NPAS3: variants seen among roughly 807,000 people sequenced by gnomAD.
The protein encoded by NPAS3 is neuronal PAS domain-containing protein 3.
A neutral mutation model predicts 73.1 loss-of-function variants in NPAS3; 14 were observed. That is an observed-to-expected ratio of 0.19 (90% CI 0.13 to 0.30). The LOEUF (loss-of-function observed/expected upper bound fraction) is 0.30. Among genes scored for constraint, NPAS3 ranks in the 10% least tolerant of loss-of-function variants. The pLI is 1.00. For missense variants in NPAS3, 1,096 were observed against 1,250.0 expected (o/e 0.88, Z 1.86); for synonymous variants, 620 against 541.5 (o/e 1.14, Z -2.01).
In NPAS3 at chr14:33,230,393, C is replaced by T. The variant is rs76501814; in HGVS notation, c.385+14967C>T. ...ACAGACTCTGCTAGCTTTGAACCCA[C>T]GGATGGAGTTAAGAAAATAAGATGA... is the stretch of plus-strand genomic sequence containing the variant. On this transcript the variant is annotated intron_variant, in intron 3 of 11. Transcript: ENST00000356141. 7.7e-3 allele frequency among the ~76,000 whole-genome samples: 1,175 copies of T among 152,210 alleles called. 11 individuals carry two copies. The highest frequency in any genetic ancestry group is 0.026 in the African/African-American group (1,083 of 41,512).
chr14:33,187,372 A>G (rs554538247), intron 2 of NPAS3, among the ~76,000 whole-genome samples: 1 of 152,276 alleles, frequency 6.6e-6, no homozygotes, highest in South Asian at 2.1e-4. Context: ...ACCTTTATGT[A>G]GGTAATTTCT....
chr14:33,800,076 G>T lies in NPAS3; in HGVS notation c.1769G>T (p.Gly590Val). The T allele has an allele frequency of 1.3e-6, 2 of 1,598,182 alleles. No individual in the cohort carries two copies. The highest frequency in any genetic ancestry group is 1.7e-6 in the Non-Finnish European group (2 of 1,175,796). ...GACTCGGACAGCGCAGGCGAGGCGG[G>T]CGCGCAGGCCTCCAGCAAGCACCAG... The change falls in exon 12 of 12, where the codon GGC (glycine) becomes GTC (valine). Residue 590 changes from glycine to valine, a missense_variant. Transcript: ENST00000356141. This position sits in a 1 kb window ranked among gnomAD's most constrained non-coding sequence, Gnocchi z 6.5.
rs2059706181 is a variant in NPAS3, at chr14:33,674,642, G to T, written c.559-1569G>T. ...TAGCAATAACAAATGGAGGAAATGG[G>T]GATTGTAAAATGATATAGTCAGTGG... is the stretch of plus-strand genomic sequence containing the variant. On this transcript the variant is annotated intron_variant, in intron 5 of 11. Transcript: ENST00000356141. Among the ~76,000 whole-genome samples, 3 of 152,180 alleles carry T rather than the reference G, an allele frequency of 2.0e-5. No homozygotes were observed. The South Asian group carries it at 6.2e-4, about 32-fold the overall frequency.
At chr14:33,127,339 G>A (rs2043463463) in intron 2 of NPAS3, among the ~76,000 whole-genome samples, 1 of 152,090 alleles carries the variant, frequency 6.6e-6, no homozygotes, top group Non-Finnish European at 1.5e-5. Flanking sequence ...TTATGAGTTT[G>A]TGTAGAATTT....
At chr14:33,738,884 C>T (rs941608158) in intron 7 of NPAS3, among the ~76,000 whole-genome samples, 7 of 152,050 alleles carry the variant, frequency 4.6e-5, no homozygotes, top group Middle Eastern at 3.2e-3. Flanking sequence ...CTAGGTATAG[C>T]GCATGGGGTA....
intron 1 of NPAS3, among the ~76,000 whole-genome samples, chr14:32,975,750 TAAAAC>T (rs141953929): frequency 6.6e-6 from 1 of 151,930 alleles, no homozygotes; most frequent in African/African-American, 2.4e-5. Context: ...TGGTAGTTAA[TAAAAC>T]AAAACAAAAC....
intron 3 of NPAS3, among the ~76,000 whole-genome samples, chr14:33,258,286 A>G (rs970401086): frequency 2.6e-5 from 4 of 152,150 alleles, no homozygotes; most frequent in African/African-American, 9.7e-5. Context: ...AGTCCCAGCT[A>G]CTTGGGAGGC....
intron 5 of NPAS3, among the ~76,000 whole-genome samples, chr14:33,636,749 A>C (rs2058529306): frequency 6.6e-6 from 1 of 152,190 alleles, no homozygotes; most frequent in Non-Finnish European, 1.5e-5. Context: ...CCAGAAACCC[A>C]CTGCCTGGCA....
rs1335666943 is a variant in NPAS3 at position 33,677,497 on chromosome 14, TTATTAACAAGAAAA to T, written c.733+1113_733+1126del. On this transcript the variant is annotated intron_variant, in intron 6 of 11. Transcript: ENST00000356141. ...AATAGATTCGTAATACAAAAGCATT[TTATTAACAAGAAAA>T]ATAGAAAAACCTATGTTAAGATTAA... Among the ~76,000 whole-genome samples the T allele has an allele frequency of 1.4e-4, 22 of 152,320 alleles. 1 individual carries two copies. Among genetic ancestry groups the T allele is most frequent in the South Asian group, 4.1e-4 (2 of 4,830 alleles).
chr14:33,147,377 T>C (rs2044271192), intron 2 of NPAS3, among the ~76,000 whole-genome samples: 2 of 152,218 alleles, frequency 1.3e-5, no homozygotes, highest in Non-Finnish European at 2.9e-5. Flanking sequence ...TATTTCTTAG[T>C]TCTGTTGCTG....
At chr14:32,979,615 T>A (rs1418495944) in intron 1 of NPAS3, among the ~76,000 whole-genome samples, 1 of 152,186 alleles carries the variant, frequency 6.6e-6, no homozygotes, top group Admixed American at 6.5e-5. Flanking sequence ...GATTGTAGCA[T>A]CTCTTTCTTT....
At chr14:33,096,898 T>G (rs560570710) in intron 2 of NPAS3, among the ~76,000 whole-genome samples, 1 of 152,336 alleles carries the variant, frequency 6.6e-6, no homozygotes, top group East Asian at 1.9e-4. Context: ...GTCACTTTAG[T>G]CATCTGAAAC....
intron 9 of NPAS3, 81 bp from the exon 10 acceptor site, chr14:33,793,816 G>A: frequency 7.2e-7 from 1 of 1,390,396 alleles, no homozygotes; most frequent in Non-Finnish European, 9.6e-7. Flanking sequence ...TAGGCTTAAG[G>A]TTTTGCAGAG....
At chr14:33,594,330 C>T (rs1431621272) in intron 5 of NPAS3, among the ~76,000 whole-genome samples, 2 of 152,036 alleles carry the variant, frequency 1.3e-5, no homozygotes, top group Admixed American at 6.6e-5. Context: ...CAAATATTTT[C>T]GATCTGTAGT....
chr14:33,557,765 C>A (rs1353953871), intron 4 of NPAS3, among the ~76,000 whole-genome samples: 2 of 152,176 alleles, frequency 1.3e-5, no homozygotes, highest in East Asian at 1.9e-4. Context: ...GTCAGGAGAT[C>A]AAGGCCATCC....
intron 4 of NPAS3, among the ~76,000 whole-genome samples, chr14:33,459,235 C>T (rs1349008606): frequency 6.6e-6 from 1 of 152,148 alleles, no homozygotes; most frequent in Non-Finnish European, 1.5e-5. Context: ...CCTCCCATCT[C>T]ATCCTGTGAC....
chr14:33,447,256 A>G (rs950865784), intron 4 of NPAS3, among the ~76,000 whole-genome samples: 2 of 152,206 alleles, frequency 1.3e-5, no homozygotes, highest in African/African-American at 4.8e-5. Context: ...TGTCACATGA[A>G]TGAGAGAATT....
Position 32,977,047 on chromosome 14 carries a change from A to AACACACACACACAC in NPAS3, c.50+37689_50+37702dup, listed in dbSNP as rs10628639. ...CTATAAAGTATTATCTGGTCAAGGT[A>AACACACACACACAC]ACACACACACACACACACACATACA... On this transcript the variant is annotated intron_variant, in intron 1 of 11. Transcript: ENST00000356141. Among the ~76,000 whole-genome samples, 802 of 149,394 alleles carry AACACACACACACAC rather than the reference A, an allele frequency of 5.4e-3. 6 individuals are homozygous for AACACACACACACAC. The highest frequency in any genetic ancestry group is 8.7e-3 in the Admixed American group (130 of 14,968).
At chr14:33,083,767 G>T (rs2041937202) in intron 2 of NPAS3, among the ~76,000 whole-genome samples, 1 of 152,072 alleles carries the variant, frequency 6.6e-6, no homozygotes, top group Non-Finnish European at 1.5e-5. Context: ...AATCCCCGTG[G>T]GATCCCCAGT....
Sources: allele counts gnomAD v4.1 joint callset (sites outside exome capture counted in the v4.1 genomes callset), GRCh38; gene constraint gnomAD v4.1.1; non-coding constraint Gnocchi (gnomAD v3.1); transcripts MANE v1.5; gene names NCBI Gene and HGNC (gene_info 2026-07-23, HGNC 2026-07-21).